Variants in AFF3 observed in about 807,000 individuals in gnomAD.
The protein encoded by AFF3 is AF4/FMR2 family member 3.
A neutral mutation model predicts 129.7 loss-of-function variants in AFF3; 32 were observed. The observed-to-expected ratio is 0.25, with a 90% CI of 0.19 to 0.33. The LOEUF is 0.33. Ranked by LOEUF, AFF3 falls within the 10% of genes least tolerant of loss-of-function variation. AFF3 has a pLI of 1.00. For missense variants in AFF3, 1,373 were observed against 1,592.0 expected (o/e 0.86, Z 2.34); for synonymous variants, 644 against 635.4 (o/e 1.01, Z -0.20).
intron 2 of AFF3, chr2:100,106,973 A>G: frequency 6.1e-6 from 6 of 985,482 alleles, no homozygotes; most frequent in Non-Finnish European, 7.2e-6. Flanking sequence ...TTTACGTTTG[A>G]ATTTAAACTC....
chr2:100,116,269 CTA>C (rs1305274007), intron 2 of AFF3, among the ~76,000 whole-genome samples: 1 of 151,278 alleles, frequency 6.6e-6, no homozygotes, highest in Non-Finnish European at 1.5e-5. Flanking sequence ...ACATATAGCT[CTA>C]TGTTTGCTTT....
chr2:99,654,763 T>A (rs1227791416), intron 12 of AFF3, among the ~76,000 whole-genome samples: 1 of 152,192 alleles, frequency 6.6e-6, no homozygotes, highest in Non-Finnish European at 1.5e-5. Context: ...ATGTTCTTTT[T>A]TTTCTGCCAG....
intron 13 of AFF3, among the ~76,000 whole-genome samples, chr2:99,614,913 A>G (rs1410894041): frequency 6.6e-6 from 1 of 152,232 alleles, no homozygotes; most frequent in African/African-American, 2.4e-5. Flanking sequence ...GGCCCCACCA[A>G]AGATAAAGGC....
chr2:99,974,641 A>AC (rs1216354086), intron 7 of AFF3, among the ~76,000 whole-genome samples: 1 of 152,214 alleles, frequency 6.6e-6, no homozygotes, highest in African/African-American at 2.4e-5. Flanking sequence ...CCAATGGAAA[A>AC]TGGAAATGAT....
intron 4 of AFF3, among the ~76,000 whole-genome samples, chr2:100,084,530 A>G (rs1244175659): frequency 6.6e-6 from 1 of 152,174 alleles, no homozygotes; most frequent in Non-Finnish European, 1.5e-5. Flanking sequence ...ACAGTACCAA[A>G]AAGCACTGCT....
chr2:99,783,565 G>A lies in AFF3; in HGVS notation c.922-31264C>T, dbSNP rs563113785. ...CACTTCTGCCTCACACTGTCCTAAG[G>A]ACTAAGCCATGCTGGCCACTGACGA... On this transcript the variant is annotated intron_variant, in intron 8 of 24. Coordinates refer to ENST00000672756, the MANE Select transcript of AFF3 (RefSeq NM_001386135.1). Among the ~76,000 whole-genome samples the A allele has an allele frequency of 7.7e-4, 117 of 152,308 alleles. 1 individual carries two copies. The highest frequency in any genetic ancestry group is 3.4e-3 in the Middle Eastern group (1 of 294).
At chr2:99,636,007 A>G (rs144602773) in intron 13 of AFF3, among the ~76,000 whole-genome samples, 1 of 152,328 alleles carries the variant, frequency 6.6e-6, no homozygotes, top group East Asian at 1.9e-4. Context: ...AGCGAAGGCC[A>G]TGACCACAGT....
chr2:99,941,483 G>C (rs1004786365), intron 7 of AFF3, among the ~76,000 whole-genome samples: 18 of 152,228 alleles, frequency 1.2e-4, no homozygotes, highest in African/African-American at 4.3e-4. Context: ...GAGTCTGACA[G>C]CTGCATATCA....
chr2:100,141,899 G>A (rs1399348913), intron 1 of AFF3, among the ~76,000 whole-genome samples: 2 of 151,740 alleles, frequency 1.3e-5, no homozygotes, highest in East Asian at 1.9e-4. Flanking sequence ...CATATACAAT[G>A]TTCCATCCAA....
At chr2:99,870,609 C>T (rs924868385) in intron 7 of AFF3, among the ~76,000 whole-genome samples, 1 of 152,338 alleles carries the variant, frequency 6.6e-6, no homozygotes, top group Non-Finnish European at 1.5e-5. Context: ...GGGTGCCCAC[C>T]TGACAATCCT....
chr2:99,882,163 T>C (rs991223898), intron 7 of AFF3, among the ~76,000 whole-genome samples: 5 of 152,062 alleles, frequency 3.3e-5, no homozygotes, highest in African/African-American at 7.2e-5. Context: ...TTCCTGCTTA[T>C]GTGAGAGAGC....
intron 7 of AFF3, among the ~76,000 whole-genome samples, chr2:99,973,888 C>T (rs1678628988): frequency 6.6e-6 from 1 of 152,076 alleles, no homozygotes; most frequent in Admixed American, 6.5e-5. Context: ...CGTTAATGAG[C>T]CATTTCAGTA....
At chr2:99,841,093 C>A (rs1462479617) in intron 7 of AFF3, among the ~76,000 whole-genome samples, 2 of 152,192 alleles carry the variant, frequency 1.3e-5, no homozygotes, top group South Asian at 2.1e-4. Context: ...CAGCACACTA[C>A]AAATACTCTT....
chr2:99,644,368 T>G (rs948735574), intron 13 of AFF3, among the ~76,000 whole-genome samples: 1 of 152,176 alleles, frequency 6.6e-6, no homozygotes, highest in African/African-American at 2.4e-5. Flanking sequence ...TTTTTTTAAG[T>G]CAAGCATAAT....
chr2:99,801,819 T>C (rs141307198), intron 8 of AFF3, among the ~76,000 whole-genome samples: 1 of 152,252 alleles, frequency 6.6e-6, no homozygotes, highest in Non-Finnish European at 1.5e-5. Flanking sequence ...ATAATTGTTA[T>C]GTGGGGTCTC....
At chr2:99,793,500 T>C (rs1287762789) in intron 8 of AFF3, among the ~76,000 whole-genome samples, 1 of 152,230 alleles carries the variant, frequency 6.6e-6, no homozygotes, top group Non-Finnish European at 1.5e-5. Flanking sequence ...TGGGGTAGAT[T>C]TGGTCATTTT....
chr2:99,953,699 A>ATGT (rs533072435), intron 7 of AFF3, among the ~76,000 whole-genome samples: 136 of 152,372 alleles, frequency 8.9e-4, no homozygotes, highest in African/African-American at 3.1e-3. Flanking sequence ...GATGAGAAAA[A>ATGT]TAACAGTTTC....
intron 4 of AFF3, among the ~76,000 whole-genome samples, chr2:100,011,789 G>C (rs1401027480): frequency 6.6e-6 from 1 of 152,142 alleles, no homozygotes; most frequent in Non-Finnish European, 1.5e-5. Flanking sequence ...TTATTTTTCA[G>C]TGTGGCTTAA....
In AFF3 at chr2:100,070,913, G is replaced by A. The variant is rs186201549; in HGVS notation, c.53+33489C>T. 9.5e-4 allele frequency among the ~76,000 whole-genome samples: 144 copies of A among 152,194 alleles called. 1 individual carries two copies. Among genetic ancestry groups the A allele is most frequent in the African/African-American group, 3.3e-3 (135 of 41,510 alleles). On this transcript the variant is annotated intron_variant, in intron 4 of 24. Coordinates refer to ENST00000672756, the MANE Select transcript of AFF3 (RefSeq NM_001386135.1). ...AAATTGCCATCTCTAGTGAACTTGC[G>A]TGATAATTTTTAATTTTAATAAATG...
Sources: allele counts gnomAD v4.1 joint callset (sites outside exome capture counted in the v4.1 genomes callset), GRCh38; gene constraint gnomAD v4.1.1; transcripts MANE v1.5; gene names NCBI Gene and HGNC (gene_info 2026-07-23, HGNC 2026-07-21).